Variants in GRIP1 observed in about 807,000 individuals in gnomAD.
The protein encoded by GRIP1 is glutamate receptor interacting protein 1, also known as glutamate receptor-interacting protein 1.
GRIP1 carries 45 observed loss-of-function variants against 129.9 expected under a neutral mutation model. That is an observed-to-expected ratio of 0.35 (90% confidence interval 0.27 to 0.44). The LOEUF (loss-of-function observed/expected upper bound fraction) is 0.44. GRIP1 is among the 20% of genes least tolerant of loss of function. The pLI is 1.00. For synonymous variants in GRIP1, 530 were observed against 520.8 expected (o/e 1.02, Z -0.24); for missense variants, 1,196 against 1,396.8 (o/e 0.86, Z 2.29).
intron 1 of GRIP1, among the ~76,000 whole-genome samples, chr12:66,619,904 T>A (rs1592658081): frequency 6.6e-6 from 1 of 152,338 alleles, no homozygotes; most frequent in South Asian, 2.1e-4. Flanking sequence ...GAAGTAAAAG[T>A]AATTGATCCT....
At chr12:66,593,148 T>C (rs573817093) in intron 2 of GRIP1, among the ~76,000 whole-genome samples, 11 of 152,334 alleles carry the variant, frequency 7.2e-5, no homozygotes, top group Admixed American at 7.2e-4. Flanking sequence ...TAATGCCATA[T>C]GAGACATGAT....
chr12:66,479,192 A>G (rs1056317383), intron 7 of GRIP1, among the ~76,000 whole-genome samples: 2 of 152,032 alleles, frequency 1.3e-5, no homozygotes, highest in African/African-American at 4.8e-5. Context: ...AAGGAAGAAA[A>G]GAGAAAAGAA....
At chr12:66,861,933 G>A (rs759013374) in intron 1 of GRIP1, among the ~76,000 whole-genome samples, 9 of 151,898 alleles carry the variant, frequency 5.9e-5, no homozygotes, top group Non-Finnish European at 1.0e-4. Context: ...GCTGTAACTT[G>A]GAAATGATTT....
rs570129603 is a variant in GRIP1 at position 66,931,777 on chromosome 12, A to AT, written c.58+137272dup. 1.4e-4 allele frequency among the ~76,000 whole-genome samples: 22 copies of AT among 152,276 alleles called. No individual in the cohort carries two copies. In the South Asian group the frequency reaches 4.1e-3, roughly 29 times the overall value. ...AAACATTATGACTCAAGATTCCGTG[A>AT]TTTTTTTAACACTATCCAAAAATGT... On this transcript the variant is annotated intron_variant, in intron 1 of 1. Transcript: ENST00000643019.
At chr12:66,670,960 G>A (rs554307518) in intron 1 of GRIP1, among the ~76,000 whole-genome samples, 1 of 152,160 alleles carries the variant, frequency 6.6e-6, no homozygotes, top group South Asian at 2.1e-4. Context: ...ATATCTAGTA[G>A]CATCTCTATG....
chr12:66,402,478 G>A (rs1409806074), intron 16 of GRIP1, among the ~76,000 whole-genome samples: 1 of 152,204 alleles, frequency 6.6e-6, no homozygotes, highest in Non-Finnish European at 1.5e-5. Flanking sequence ...GCAGGGTAGC[G>A]AGACTTGGGA....
intron 23 of GRIP1, among the ~76,000 whole-genome samples, chr12:66,356,531 CT>C (rs1406114144): frequency 6.6e-6 from 1 of 152,168 alleles, no homozygotes; most frequent in African/African-American, 2.4e-5. Context: ...GAGTAAGTCA[CT>C]GGAAGAAAAT....
At chr12:66,797,222 C>T (rs989291939) in intron 1 of GRIP1, among the ~76,000 whole-genome samples, 3 of 152,122 alleles carry the variant, frequency 2.0e-5, no homozygotes, top group Admixed American at 6.6e-5. Flanking sequence ...GTTGTGTGTT[C>T]CCTCTAAAAC....
intron 7 of GRIP1, among the ~76,000 whole-genome samples, chr12:66,514,368 T>C (rs1203915691): frequency 6.6e-6 from 1 of 152,164 alleles, no homozygotes; most frequent in African/African-American, 2.4e-5. Flanking sequence ...ATCTTCATAA[T>C]TGTCTTTAAA....
At chr12:66,634,642 G>A (rs2031177233) in intron 1 of GRIP1, among the ~76,000 whole-genome samples, 1 of 152,200 alleles carries the variant, frequency 6.6e-6, no homozygotes. Flanking sequence ...TTATCCCAAA[G>A]AGGTTTAACA....
At chr12:66,631,458 A>G (rs1309270656) in intron 1 of GRIP1, among the ~76,000 whole-genome samples, 1 of 152,252 alleles carries the variant, frequency 6.6e-6, no homozygotes, top group Non-Finnish European at 1.5e-5. Flanking sequence ...ATTCAAATAG[A>G]ACATGAAAAC....
chr12:66,827,387 T>TGTGTGTGTGTGAGAGAGAGAGAGA (rs755458052), intron 1 of GRIP1, among the ~76,000 whole-genome samples: 4,052 of 107,698 alleles, frequency 0.038, 90 homozygotes, highest in East Asian at 0.14. Flanking sequence ...TGTGTGTGTG[T>TGTGTGTGTGTGAGAGAGAGAGAGA]GAGAGAGAGA....
chr12:66,837,933 C>T (rs1222493424), intron 1 of GRIP1, among the ~76,000 whole-genome samples: 1 of 152,170 alleles, frequency 6.6e-6, no homozygotes, highest in Admixed American at 6.5e-5. Flanking sequence ...GTGGCCCACA[C>T]CTGTAATCCC....
At chr12:66,453,351 T>C (rs2058863240) in intron 11 of GRIP1, among the ~76,000 whole-genome samples, 1 of 152,208 alleles carries the variant, frequency 6.6e-6, no homozygotes. Flanking sequence ...CCCTGCTGAG[T>C]GCTGTTAGCC....
chr12:66,939,832 G>T (rs2041554778), intron 1 of GRIP1, among the ~76,000 whole-genome samples: 1 of 152,008 alleles, frequency 6.6e-6, no homozygotes, highest in Admixed American at 6.6e-5. Context: ...AAATATACCA[G>T]TATACATTCT....
chr12:66,698,969 C>A (rs2035258257), intron 1 of GRIP1, among the ~76,000 whole-genome samples: 1 of 152,178 alleles, frequency 6.6e-6, no homozygotes, highest in African/African-American at 2.4e-5. Context: ...AGTTCTCAGT[C>A]ATGCAGCAGG....
At chr12:66,909,765 C>A (rs915717105) in intron 1 of GRIP1, among the ~76,000 whole-genome samples, 9 of 152,152 alleles carry the variant, frequency 5.9e-5, no homozygotes, top group African/African-American at 2.2e-4. Context: ...CCTCCCCTAC[C>A]TTCTCTTTGT....
intron 1 of GRIP1, among the ~76,000 whole-genome samples, chr12:66,692,217 G>T (rs1345725751): frequency 6.6e-6 from 1 of 152,190 alleles, no homozygotes; most frequent in Non-Finnish European, 1.5e-5. Flanking sequence ...CTCAGATACA[G>T]ATTCTAGGTT....
At chr12:67,051,441 T>C (rs886771718) in intron 1 of GRIP1, among the ~76,000 whole-genome samples, 1 of 152,242 alleles carries the variant, frequency 6.6e-6, no homozygotes, top group African/African-American at 2.4e-5. Flanking sequence ...AGCACCCATG[T>C]AGATTGATAC....
Sources: allele counts gnomAD v4.1 joint callset (sites outside exome capture counted in the v4.1 genomes callset), GRCh38; gene constraint gnomAD v4.1.1; transcripts MANE v1.5; gene names NCBI Gene and HGNC (gene_info 2026-07-23, HGNC 2026-07-21).